IGF2BP3: variants seen among roughly 807,000 people sequenced by gnomAD.
The protein encoded by IGF2BP3 is insulin like growth factor 2 mRNA binding protein 3, also known as insulin-like growth factor 2 mRNA-binding protein 3.
A neutral mutation model predicts 73.8 loss-of-function variants in IGF2BP3; 9 were observed. That is an observed-to-expected ratio of 0.12 (90% CI 0.07 to 0.21). The LOEUF (loss-of-function observed/expected upper bound fraction) is 0.21. Ranked by LOEUF, IGF2BP3 falls within the 10% of genes least tolerant of loss-of-function variation. The probability of loss-of-function intolerance (pLI) is 1.00; values close to 1 mark genes in which losing one functional copy is unlikely to be tolerated. For missense variants in IGF2BP3, 542 were observed against 714.0 expected (o/e 0.76, Z 2.75); for synonymous variants, 258 against 256.7 (o/e 1.01, Z -0.05).
At chr7:23,319,825 G>C (rs1336431808) in intron 10 of IGF2BP3, among the ~76,000 whole-genome samples, 8 of 152,170 alleles carry the variant, frequency 5.3e-5, no homozygotes, top group Non-Finnish European at 1.2e-4. Context: ...CACAGGACAG[G>C]ATTAGGAGAG....
intron 10 of IGF2BP3, 146 bp from the exon 11 acceptor site, chr7:23,319,400 C>T (rs1784076758): frequency 1.6e-6 from 1 of 624,298 alleles, no homozygotes; most frequent in Non-Finnish European, 2.9e-6. Flanking sequence ...TTGACCAGAC[C>T]TTACCTAATA....
chr7:23,347,559 C>G, intron 7 of IGF2BP3, 41 bp downstream of exon 7: 1 of 1,592,602 alleles, frequency 6.3e-7, no homozygotes, highest in Non-Finnish European at 8.6e-7. Context: ...TACAAGAGCA[C>G]AAATATCAAC....
chr7:23,335,841 T>G (rs1161519274), intron 10 of IGF2BP3, among the ~76,000 whole-genome samples: 1 of 152,222 alleles, frequency 6.6e-6, no homozygotes, highest in Non-Finnish European at 1.5e-5. Context: ...GCCAATTCCT[T>G]CTTCCCTACT....
At chr7:23,378,569 G>GTTTTTTTTTTTTTTTTT (rs1156868701) in intron 3 of IGF2BP3, among the ~76,000 whole-genome samples, 1 of 65,884 alleles carries the variant, frequency 1.5e-5, no homozygotes, top group Non-Finnish European at 2.6e-5. Context: ...ATTTTTGCTT[G>GTTTTTTTTTTTTTTTTT]TTTTTTTTTT....
At chr7:23,372,531 C>T (rs868584048) in intron 3 of IGF2BP3, among the ~76,000 whole-genome samples, 6 of 152,174 alleles carry the variant, frequency 3.9e-5, no homozygotes, top group Non-Finnish European at 7.3e-5. Flanking sequence ...TATGCCTTCA[C>T]ATCCTCATAA....
intron 5 of IGF2BP3, among the ~76,000 whole-genome samples, chr7:23,354,535 A>G (rs939559671): frequency 6.6e-6 from 1 of 152,192 alleles, no homozygotes; most frequent in Admixed American, 6.5e-5. Context: ...ACACATACAG[A>G]TATCATTCTC....
chr7:23,464,031 A>G lies in IGF2BP3; in HGVS notation c.236+4451T>C, dbSNP rs78201945. Among the ~76,000 whole-genome samples the G allele has an allele frequency of 3.3e-5, 5 of 152,284 alleles. No individual in the cohort carries two copies. In the East Asian group the frequency reaches 9.6e-4, roughly 29 times the overall value. On this transcript the variant is annotated intron_variant, in intron 2 of 14. Coordinates refer to ENST00000258729, the MANE Select transcript of IGF2BP3 (RefSeq NM_006547.3). ...CAAGATTCACCTAAGCCATACACTG[A>G]TAAGGAAGGAGTACCACTGCTATTC...
chr7:23,423,781 A>C (rs1326813023), intron 2 of IGF2BP3, among the ~76,000 whole-genome samples: 4 of 152,180 alleles, frequency 2.6e-5, no homozygotes, highest in African/African-American at 9.7e-5. Context: ...GGAAAAAAAA[A>C]ACAAAAACCC....
intron 10 of IGF2BP3, among the ~76,000 whole-genome samples, chr7:23,323,178 T>C (rs1784205287): frequency 2.0e-5 from 3 of 151,918 alleles, no homozygotes; most frequent in African/African-American, 7.3e-5. Context: ...AGGAAACCCA[T>C]CACGTGCAGA....
chr7:23,425,031 C>A (rs1180669350), intron 2 of IGF2BP3, among the ~76,000 whole-genome samples: 2 of 152,176 alleles, frequency 1.3e-5, no homozygotes, highest in Non-Finnish European at 1.5e-5. Context: ...AAATAAGGAG[C>A]TTTATTTCAA....
At chr7:23,372,151 G>A (rs763405789) in intron 3 of IGF2BP3, among the ~76,000 whole-genome samples, 4 of 151,314 alleles carry the variant, frequency 2.6e-5, no homozygotes, top group African/African-American at 4.9e-5. Context: ...TTGGCTCACC[G>A]CAACCTCCGC....
At chr7:23,334,238 G>A (rs1373289687) in intron 10 of IGF2BP3, among the ~76,000 whole-genome samples, 1 of 152,160 alleles carries the variant, frequency 6.6e-6, no homozygotes, top group African/African-American at 2.4e-5. Context: ...TGAGGCAGGA[G>A]AATCGCTCGA....
chr7:23,430,440 C>G (rs945550524), intron 2 of IGF2BP3, among the ~76,000 whole-genome samples: 1 of 152,184 alleles, frequency 6.6e-6, no homozygotes, highest in Non-Finnish European at 1.5e-5. Flanking sequence ...AGTAAAAAGC[C>G]AAGCCTTATG....
At chr7:23,384,003 G>A (rs940940228) in intron 3 of IGF2BP3, among the ~76,000 whole-genome samples, 1 of 150,666 alleles carries the variant, frequency 6.6e-6, no homozygotes, top group Non-Finnish European at 1.5e-5. Flanking sequence ...GGCTGAGGCA[G>A]GACAATGGCA....
intron 3 of IGF2BP3, among the ~76,000 whole-genome samples, chr7:23,368,429 T>A (rs1286517378): frequency 6.7e-6 from 1 of 150,176 alleles, no homozygotes; most frequent in African/African-American, 2.5e-5. Flanking sequence ...AAAAACTACT[T>A]ATTATATGAT....
At chr7:23,321,510 T>C (rs1402856313) in intron 10 of IGF2BP3, among the ~76,000 whole-genome samples, 4 of 152,176 alleles carry the variant, frequency 2.6e-5, no homozygotes, top group Non-Finnish European at 5.9e-5. Flanking sequence ...GTGCCCGCCA[T>C]TGCCCAGGCT....
At chr7:23,343,894 T>C (rs751312482) in intron 8 of IGF2BP3, 41 bp from the exon 9 acceptor site, 2 of 1,594,880 alleles carry the variant, frequency 1.3e-6, no homozygotes, top group African/African-American at 2.7e-5. Flanking sequence ...GAATGAAAAT[T>C]GGAGGAAGAC....
intron 3 of IGF2BP3, among the ~76,000 whole-genome samples, chr7:23,406,865 C>A (rs921124720): frequency 7.9e-5 from 12 of 152,128 alleles, no homozygotes; most frequent in African/African-American, 2.9e-4. Context: ...AAACTGAGTG[C>A]TGACTGGTGT....
chr7:23,312,905 A>T, intron 13 of IGF2BP3, 57 bp from the exon 14 acceptor site: 1 of 1,077,050 alleles, frequency 9.3e-7, no homozygotes, highest in Non-Finnish European at 1.4e-6. Context: ...TTACTTCCTA[A>T]GCACTTACTG....
Sources: gnomAD v4.1 joint callset for allele counts (sites outside exome capture counted in the v4.1 genomes callset) on GRCh38, gnomAD v4.1.1 for gene constraint, MANE v1.5 for transcripts, NCBI Gene and HGNC (gene_info 2026-07-23, HGNC 2026-07-21) for gene names.